The following BMP7 variants were observed in gnomAD, a reference collection of about 807,000 sequenced individuals.
BMP7 encodes osteogenic protein 1.
In BMP7, 12 loss-of-function variants were observed where a neutral mutation model predicts 41.2. The ratio of observed to expected loss-of-function variants is 0.29; its 90% CI spans 0.19 to 0.47. The LOEUF (loss-of-function observed/expected upper bound fraction) is 0.47, where lower values mean the gene tolerates loss of function less well. Among genes scored for constraint, BMP7 ranks in the 20% least tolerant of loss-of-function variants. The pLI, the probability that BMP7 is intolerant of heterozygous loss-of-function variation, is 0.99. For synonymous variants in BMP7, 248 were observed against 250.0 expected (o/e 0.99, Z 0.07); for missense variants, 467 against 606.0 (o/e 0.77, Z 2.41).
chr20:57,188,959 G>A (rs779769357), intron 3 of BMP7, among the ~76,000 whole-genome samples: 11 of 152,182 alleles, frequency 7.2e-5, no homozygotes, highest in Non-Finnish European at 1.2e-4. Flanking sequence ...ACAAGCTCTC[G>A]TGCTGCAAAC....
chr20:57,224,801 C>T lies in BMP7; in HGVS notation c.611+3428G>A, dbSNP rs965624495. 1 of 152,380 alleles carries T rather than the reference C, an allele frequency of 6.6e-6. No individual in the cohort carries two copies. The highest frequency in any genetic ancestry group is 2.1e-4 in the South Asian group (1 of 4,834). 9.4% of individuals were successfully genotyped at this position (152,380 alleles called of 1,614,324 possible). ...GCTCCACAGCCCGCCAAGGGCGGCT[C>T]CAACATGTCTTTCCAGCTGTCTGGG... On this transcript the variant is annotated intron_variant, in intron 2 of 6. Coordinates refer to ENST00000395863, the MANE Select transcript of BMP7 (RefSeq NM_001719.3). This position sits in a 1 kb window ranked among gnomAD's most constrained non-coding sequence, Gnocchi z 4.8.
chr20:57,257,272 G>A (rs2066137528), intron 1 of BMP7, among the ~76,000 whole-genome samples: 1 of 152,138 alleles, frequency 6.6e-6, no homozygotes, highest in Admixed American at 6.5e-5. Context: ...TTTGGGACCA[G>A]GCCTTTAGAT....
rs1431973504 is a variant in BMP7 at position 57,216,530 on chromosome 20, GGGGGCTGTCTCCTGAGGGCGA to G, written c.611+11678_611+11698del. Among the ~76,000 whole-genome samples, 487 of 148,166 alleles carry G rather than the reference GGGGGCTGTCTCCTGAGGGCGA, an allele frequency of 3.3e-3. 3 individuals are homozygous for G. The highest frequency in any genetic ancestry group is 0.01 in the African/African-American group (417 of 40,326). On this transcript the variant is annotated intron_variant, in intron 2 of 6. Transcript: ENST00000395863. ...CGAGGGGGCTGTCTCCTGAGGGCGA[GGGGGCTGTCTCCTGAGGGCGA>G]GGGGCTGTCTCCTGAGGGTGAGGGG...
intron 2 of BMP7, 83 bp from the exon 3 acceptor site, chr20:57,202,706 A>C: frequency 7.8e-6 from 4 of 510,658 alleles, no homozygotes; most frequent in Non-Finnish European, 1.5e-5. Context: ...GCAGAGCCTC[A>C]TGGGGTGGGA....
chr20:57,239,324 T>A (rs2066060442), intron 1 of BMP7, among the ~76,000 whole-genome samples: 1 of 152,154 alleles, frequency 6.6e-6, no homozygotes. Context: ...TCCAAAATGA[T>A]CTCCTTTGAC....
Position 57,266,094 on chromosome 20 carries a change from G to A in BMP7, c.29C>T (p.Ala10Val). 6.5e-7 allele frequency: 1 copy of A among 1,536,422 alleles called. No homozygotes were observed. Among genetic ancestry groups the A allele is most frequent in the Non-Finnish European group, 8.7e-7 (1 of 1,146,440 alleles). The change falls in exon 1 of 7, where the codon GCG becomes GTG. Residue 10 changes from alanine (A) to valine (V), a missense_variant. Coordinates refer to ENST00000395863, the MANE Select transcript of BMP7 (RefSeq NM_001719.3). ...CCAGAGCGCCACGAAGCTGTGCGGC[G>A]CCGCAGCTCGCAGTGAGCGCACGTG... Reference protein sequence around the residue: MHVRSLRAAAPHSFVALWAP... With the variant: MHVRSLRAAVPHSFVALWAP...
intron 1 of BMP7, among the ~76,000 whole-genome samples, chr20:57,245,840 G>A (rs1414041613): frequency 2.0e-5 from 3 of 151,322 alleles, no homozygotes; most frequent in Admixed American, 2.0e-4. Flanking sequence ...GGGTTTCACC[G>A]TGTTAGCCAG....
chr20:57,221,775 C>T (rs1269864557), intron 2 of BMP7, among the ~76,000 whole-genome samples: 2 of 146,320 alleles, frequency 1.4e-5, no homozygotes, highest in Non-Finnish European at 3.0e-5. Context: ...CACTCCACTG[C>T]ACTCCAGCAG....
intron 1 of BMP7, among the ~76,000 whole-genome samples, chr20:57,264,238 T>C (rs866563068): frequency 6.6e-6 from 1 of 152,214 alleles, no homozygotes; most frequent in Non-Finnish European, 1.5e-5. Flanking sequence ...AAGGCGGATC[T>C]GCGCTTCCCC....
rs1330583936 is a variant in BMP7 at position 57,209,237 on chromosome 20, ATTTATATATT to A, written c.612-6624_612-6615del. 5.4e-4 allele frequency among the ~76,000 whole-genome samples: 57 copies of A among 105,378 alleles called. 1 individual carries two copies. The highest frequency in any genetic ancestry group is 1.1e-3 in the African/African-American group (32 of 28,086). 69.1% of individuals were successfully genotyped at this position (105,378 alleles called of 152,430 possible). A position where few individuals can be genotyped will look rare whatever the true frequency, so the allele number is the denominator to read the frequency against. On this transcript the variant is annotated intron_variant, in intron 2 of 6. Transcript: ENST00000395863. The stretch of plus-strand genomic sequence containing the variant: ...AATAAATGAATAAACAAATACCTAG[ATTTATATATT>A]TTTATATATATATATATATATATAT...
intron 4 of BMP7, among the ~76,000 whole-genome samples, chr20:57,176,114 G>T (rs917986264): frequency 6.6e-6 from 1 of 152,220 alleles, no homozygotes; most frequent in Non-Finnish European, 1.5e-5. Flanking sequence ...AAGACATAGA[G>T]ACTTCTGGAA....
intron 3 of BMP7, among the ~76,000 whole-genome samples, chr20:57,185,534 G>C (rs1984189969): frequency 6.6e-6 from 1 of 152,250 alleles, no homozygotes; most frequent in Admixed American, 6.5e-5. Context: ...CATAAGCTGG[G>C]AAATAGAGGG....
chr20:57,255,320 C>T (rs1270494904), intron 1 of BMP7, among the ~76,000 whole-genome samples: 1 of 152,148 alleles, frequency 6.6e-6, no homozygotes, highest in Non-Finnish European at 1.5e-5. Flanking sequence ...GCTTACCCTG[C>T]AGAATACTGA....
rs2123054379 is a variant in BMP7 at position 57,171,184 on chromosome 20, G to A, written c.1147-76C>T. On this transcript the variant is annotated intron_variant, in intron 6 of 6. Coordinates refer to ENST00000395863, the MANE Select transcript of BMP7 (RefSeq NM_001719.3). The surrounding 1 kb of genome is among the most constrained non-coding windows in gnomAD (Gnocchi z 4.5). ...TAACTGGCCTCCACGTTTCTATAAA[G>A]AAACATCCTGTCTGGGCATAATGAA... The A allele has an allele frequency of 6.3e-7, 1 of 1,592,442 alleles. No homozygotes were observed. Among genetic ancestry groups the A allele is most frequent in the South Asian group, 1.1e-5 (1 of 89,444 alleles).
At chr20:57,235,208 C>A (rs907910019) in intron 1 of BMP7, among the ~76,000 whole-genome samples, 1 of 152,236 alleles carries the variant, frequency 6.6e-6, no homozygotes, top group Non-Finnish European at 1.5e-5. Flanking sequence ...ATTCCCACTG[C>A]TGTCTAGAAC....
intron 3 of BMP7, 128 bp from the exon 4 acceptor site, chr20:57,184,047 T>C: frequency 9.1e-7 from 1 of 1,095,228 alleles, no homozygotes; most frequent in Non-Finnish European, 1.3e-6. Flanking sequence ...AGTAAGTATT[T>C]ATTGAGTACT....
chr20:57,213,927 G>A lies in BMP7; in HGVS notation c.612-11304C>T, dbSNP rs1395588572. Among the ~76,000 whole-genome samples, 1 of 152,216 alleles carries A rather than the reference G, an allele frequency of 6.6e-6. No homozygotes were observed. Among genetic ancestry groups the A allele is most frequent in the Non-Finnish European group, 1.5e-5 (1 of 68,042 alleles). ...GATATGCTCAAGATGCCAGCGCAAA[G>A]CCAGAGACTCAAGGTTCGCAGCTGG... On this transcript the variant is annotated intron_variant, in intron 2 of 6. Coordinates refer to ENST00000395863, the MANE Select transcript of BMP7 (RefSeq NM_001719.3). The surrounding 1 kb of genome is among the most constrained non-coding windows in gnomAD (Gnocchi z 4.4).
chr20:57,203,486 T>C (rs1200923196), intron 2 of BMP7, among the ~76,000 whole-genome samples: 2 of 151,610 alleles, frequency 1.3e-5, no homozygotes, highest in Non-Finnish European at 2.9e-5. Flanking sequence ...GGTGGATGGA[T>C]GGATGGATGG....
At chr20:57,223,379 A>C (rs933879397) in intron 2 of BMP7, among the ~76,000 whole-genome samples, 1 of 152,180 alleles carries the variant, frequency 6.6e-6, no homozygotes, top group Admixed American at 6.5e-5. Flanking sequence ...ATGACAGTTC[A>C]ACCCCTACGG....
Sources: gnomAD v4.1 joint callset for allele counts (sites outside exome capture counted in the v4.1 genomes callset) on GRCh38, gnomAD v4.1.1 for gene constraint, Gnocchi (gnomAD v3.1) non-coding constraint, MANE v1.5 for transcripts, NCBI Gene and HGNC (gene_info 2026-07-23, HGNC 2026-07-21) for gene names.